The following CES1 variants were observed in gnomAD, a reference collection of about 807,000 sequenced individuals.
The protein encoded by CES1 is liver carboxylesterase 1.
CES1 carries 50 observed loss-of-function variants against 53.0 expected under a neutral mutation model. That is an observed-to-expected ratio of 0.94 (90% CI 0.75 to 1.19). CES1 has a LOEUF of 1.19. Among genes scored for constraint, CES1 ranks in the 50% most tolerant of loss-of-function variants. The pLI is 0.00. For synonymous variants in CES1, 202 were observed against 210.1 expected, an observed-to-expected ratio of 0.96 and a Z score of 0.33; for missense variants, 534 against 538.0, an observed-to-expected ratio of 0.99 and a Z score of 0.07.
At chr16:55,832,632 C>G (rs545693052) in intron 1 of CES1, among the ~76,000 whole-genome samples, 4 of 152,350 alleles carry the variant, frequency 2.6e-5, no homozygotes, top group African/African-American at 9.6e-5. Flanking sequence ...CCCACGCACT[C>G]TGGCTCCAGA....
At chr16:55,813,338 G>T (rs1478019459) in intron 8 of CES1, among the ~76,000 whole-genome samples, 1 of 152,182 alleles carries the variant, frequency 6.6e-6, no homozygotes. Context: ...TGAAGTGCAT[G>T]CATTTTCCTC....
intron 1 of CES1, among the ~76,000 whole-genome samples, chr16:55,829,408 A>G (rs1166149633): frequency 2.6e-5 from 4 of 152,274 alleles, no homozygotes; most frequent in Admixed American, 2.6e-4. Context: ...CTGGGAAGGA[A>G]GTGGCCATGT....
At chr16:55,823,725 G>A (rs1269690944) in intron 3 of CES1, 42 bp from the exon 4 acceptor site, 2 of 1,612,792 alleles carry the variant, frequency 1.2e-6, no homozygotes, top group Non-Finnish European at 1.7e-6. Flanking sequence ...AGGACACAGA[G>A]CCAGGGAGCA....
chr16:55,811,906 C>G (rs763033018), intron 9 of CES1, among the ~76,000 whole-genome samples: 1 of 152,306 alleles, frequency 6.6e-6, no homozygotes, highest in Non-Finnish European at 1.5e-5. Context: ...GTTCTTCCTG[C>G]GGTCTAATGC....
At chr16:55,808,275 C>T (rs548827349) in intron 11 of CES1, among the ~76,000 whole-genome samples, 90 of 148,634 alleles carry the variant, frequency 6.1e-4, no homozygotes, top group African/African-American at 2.2e-3. Context: ...TTGTAAAACT[C>T]TTTGGCTAAA....
At chr16:55,828,279 C>G (rs534277566) in intron 2 of CES1, 1 of 254,058 alleles carries the variant, frequency 3.9e-6, no homozygotes, top group Non-Finnish European at 7.8e-6. Flanking sequence ...GAGCACTTGC[C>G]GAGTGGACAC....
intron 1 of CES1, among the ~76,000 whole-genome samples, chr16:55,831,933 C>T (rs187522081): frequency 2.3e-3 from 348 of 152,042 alleles, no homozygotes; most frequent in Non-Finnish European, 3.0e-3. Flanking sequence ...CCTCTATGTA[C>T]CATGTGTTTT....
intron 1 of CES1, among the ~76,000 whole-genome samples, chr16:55,831,915 G>C (rs147795206): frequency 1.3e-5 from 2 of 151,722 alleles, no homozygotes; most frequent in Non-Finnish European, 2.9e-5. Flanking sequence ...GAGGCCCCTC[G>C]CTGCACCCCT....
chr16:55,832,985 T>A lies in CES1; in HGVS notation c.52+19A>T. 6.5e-7 allele frequency: 1 copy of A among 1,547,322 alleles called. No individual in the cohort carries two copies. The highest frequency in any genetic ancestry group is 8.9e-7 in the Non-Finnish European group (1 of 1,124,616). ...GGATTTCAAAAAGTGCCCCGCATTT[T>A]GATTTCAGAAGGACTCACCCCAAGC... On this transcript the variant is annotated intron_variant, in intron 1 of 13. Coordinates refer to ENST00000360526, the MANE Select transcript of CES1 (RefSeq NM_001025195.2).
intron 8 of CES1, 113 bp downstream of exon 8, chr16:55,816,811 A>C: frequency 7.6e-7 from 1 of 1,309,150 alleles, no homozygotes; most frequent in Non-Finnish European, 1.1e-6. Flanking sequence ...CTCAGAAACA[A>C]ACACGCAGGA....
At chr16:55,827,236 C>A (rs1321403864) in intron 2 of CES1, among the ~76,000 whole-genome samples, 7 of 150,792 alleles carry the variant, frequency 4.6e-5, no homozygotes, top group Non-Finnish European at 7.4e-5. Context: ...TGATTCCATC[C>A]TGGGAAATTT....
At chr16:55,828,002 ACATTT>A (rs2032484224) in intron 2 of CES1, 1 of 152,600 alleles carries the variant, frequency 6.6e-6, no homozygotes, top group African/African-American at 2.4e-5. Context: ...AGTATATATT[ACATTT>A]GCACTCAGAA....
rs370364916 is a variant in CES1 at position 55,819,660 on chromosome 16, A to G, written c.802-21T>C. 83 of 1,586,926 alleles carry G rather than the reference A, an allele frequency of 5.2e-5. No individual in the cohort carries two copies. The African/African-American group carries it at 1.0e-3, about 20-fold the overall frequency. On this transcript the variant is annotated intron_variant, in intron 6 of 13. Coordinates refer to ENST00000360526, the MANE Select transcript of CES1 (RefSeq NM_001025195.2). ...ATTTGCTGCAAAGATCACAGGCAACAACAGAGTTCAAGAGCGACATCCCTT... is the reference window on the plus strand; with the variant it reads ...ATTTGCTGCAAAGATCACAGGCAACGACAGAGTTCAAGAGCGACATCCCTT...
At chr16:55,823,002 C>T (rs1283051871) in intron 4 of CES1, among the ~76,000 whole-genome samples, 3 of 152,046 alleles carry the variant, frequency 2.0e-5, no homozygotes, top group South Asian at 2.1e-4. Flanking sequence ...ATCCTTGCTT[C>T]CCACACTTGC....
chr16:55,817,044 C>T (rs1224811360), intron 7 of CES1, 82 bp from the exon 8 acceptor site: 3 of 1,439,018 alleles, frequency 2.1e-6, no homozygotes, highest in Non-Finnish European at 2.9e-6. Flanking sequence ...ACAGAGGTGT[C>T]AGGTTCTTCC....
At position 55,828,814 on chromosome 16, in the gene CES1, A is replaced by C. The variant is rs1185489493; in HGVS notation, c.213T>G (p.Pro71=). 3.1e-6 allele frequency: 5 copies of C among 1,614,302 alleles called. No individual in the cohort carries two copies. The highest frequency in any genetic ancestry group is 4.2e-6 in the Non-Finnish European group (5 of 1,180,054). ...TCTTCACAAAGCTCCATGGTTCTGCAGGCTGCGGTGGAGTAAACCTCAGGG... is the reference window on the plus strand; with the variant it reads ...TCTTCACAAAGCTCCATGGTTCTGCCGGCTGCGGTGGAGTAAACCTCAGGG... ...LGPLRFTPPQ[P]AEPWSFVKNA... is the part of the protein sequence containing the mutation. The change falls in exon 2 of 14, where the codon CCT becomes CCG. Residue 71 remains proline, a synonymous_variant. Coordinates refer to ENST00000360526, the MANE Select transcript of CES1 (RefSeq NM_001025195.2).
rs149510719 is a variant in CES1 at position 55,829,557 on chromosome 16, C to T, written c.53-583G>A. On this transcript the variant is annotated intron_variant, in intron 1 of 13. Coordinates refer to ENST00000360526, the MANE Select transcript of CES1 (RefSeq NM_001025195.2). ...GAGATGAGAAGCAGAGAGTGGTACA[C>T]AGCAGAGAGAAGGGAATTTGCTGAG... is the stretch of plus-strand genomic sequence containing the variant. 1.2e-3 allele frequency among the ~76,000 whole-genome samples: 179 copies of T among 152,308 alleles called. No homozygotes were observed. In the East Asian group the frequency reaches 0.03, roughly 25 times the overall value.
intron 8 of CES1, among the ~76,000 whole-genome samples, chr16:55,815,166 T>C (rs2031883733): frequency 6.6e-6 from 1 of 152,134 alleles, no homozygotes; most frequent in African/African-American, 2.4e-5. Context: ...GTTCTTGGCT[T>C]GGAGAAATGC....
intron 9 of CES1, chr16:55,812,516 GA>G: frequency 3.1e-6 from 1 of 327,378 alleles, no homozygotes. Flanking sequence ...ATTTTCAGGG[GA>G]ATTACGCACA....
Sources: gnomAD v4.1 joint callset for allele counts (sites outside exome capture counted in the v4.1 genomes callset) on GRCh38, gnomAD v4.1.1 for gene constraint, MANE v1.5 for transcripts, NCBI Gene and HGNC (gene_info 2026-07-23, HGNC 2026-07-21) for gene names.